MIPOL1: variants seen among roughly 807,000 people sequenced by gnomAD.
MIPOL1 encodes the protein mirror-image polydactyly gene 1 protein.
In MIPOL1, 57 loss-of-function variants were observed where a neutral mutation model predicts 60.9. The observed-to-expected ratio is 0.94, with a 90% CI of 0.76 to 1.17. MIPOL1 has a LOEUF of 1.17. Among genes scored for constraint, MIPOL1 ranks in the 50% most tolerant of loss-of-function variants. The pLI is 0.00. For missense variants in MIPOL1, 551 were observed against 511.6 expected (o/e 1.08, Z -0.74); for synonymous variants, 179 against 168.8 (o/e 1.06, Z -0.47).
At chr14:37,413,732 G>C (rs1438191798) in intron 10 of MIPOL1, among the ~76,000 whole-genome samples, 2 of 152,176 alleles carry the variant, frequency 1.3e-5, no homozygotes, top group Non-Finnish European at 2.9e-5. Context: ...TGAGACCACA[G>C]GTAGAATCAA....
intron 1 of MIPOL1, among the ~76,000 whole-genome samples, chr14:37,219,076 T>A (rs1968295719): frequency 6.6e-6 from 1 of 152,050 alleles, no homozygotes; most frequent in African/African-American, 2.4e-5. Context: ...CATAGGCAAA[T>A]GGGACTTTAC....
At chr14:37,244,104 CTTTTTTTTTTTTTTTT>C (rs143933758) in intron 1 of MIPOL1, among the ~76,000 whole-genome samples, 3 of 51,588 alleles carry the variant, frequency 5.8e-5, no homozygotes, top group Admixed American at 5.4e-4. Context: ...GACTCACTTC[CTTTTTTTTTTTTTTTT>C]TTTTTTTTTT....
At chr14:37,526,274 C>T (rs1423510738) in intron 12 of MIPOL1, among the ~76,000 whole-genome samples, 3 of 148,120 alleles carry the variant, frequency 2.0e-5, no homozygotes, top group Non-Finnish European at 4.5e-5. Context: ...GACTATTATT[C>T]CTGATAAGGA....
intron 12 of MIPOL1, chr14:37,503,334 G>A (rs572675249): frequency 6.6e-6 from 1 of 152,142 alleles, no homozygotes; most frequent in African/African-American, 2.4e-5. Flanking sequence ...AGGTTGAAAT[G>A]AAGGAAAAAA....
chr14:37,239,072 T>A (rs1023311377), intron 1 of MIPOL1, among the ~76,000 whole-genome samples: 2 of 144,722 alleles, frequency 1.4e-5, no homozygotes, highest in Admixed American at 1.4e-4. Context: ...TTTTTTGAGA[T>A]GGAGTCTGAC....
At chr14:37,436,364 A>C (rs2094163039) in intron 11 of MIPOL1, among the ~76,000 whole-genome samples, 1 of 152,186 alleles carries the variant, frequency 6.6e-6, no homozygotes, top group Non-Finnish European at 1.5e-5. Flanking sequence ...CAGTTTAATT[A>C]GGTTTATTTA....
intron 11 of MIPOL1, among the ~76,000 whole-genome samples, chr14:37,481,117 G>A (rs2094856742): frequency 6.6e-6 from 1 of 152,064 alleles, no homozygotes; most frequent in Admixed American, 6.6e-5. Context: ...CTCCAGCCTG[G>A]GTGGCAGACA....
chr14:37,243,499 A>C (rs1972672494), intron 1 of MIPOL1, among the ~76,000 whole-genome samples: 1 of 152,222 alleles, frequency 6.6e-6, no homozygotes. Context: ...AACATTTCTC[A>C]AGCTAGAAAA....
intron 3 of MIPOL1, among the ~76,000 whole-genome samples, chr14:37,259,119 T>C (rs1050405640): frequency 6.6e-6 from 1 of 152,148 alleles, no homozygotes; most frequent in East Asian, 1.9e-4. Flanking sequence ...ATGAATGAGT[T>C]ATGTGATATT....
chr14:37,528,749 A>G (rs1402442448), intron 12 of MIPOL1, among the ~76,000 whole-genome samples: 1 of 152,162 alleles, frequency 6.6e-6, no homozygotes, highest in Non-Finnish European at 1.5e-5. Flanking sequence ...GTACTTTTTA[A>G]ATATGCTTTT....
intron 10 of MIPOL1, among the ~76,000 whole-genome samples, chr14:37,383,877 G>A (rs2153513115): frequency 6.6e-6 from 1 of 151,756 alleles, no homozygotes; most frequent in Non-Finnish European, 1.5e-5. Flanking sequence ...TTTTGTTGCT[G>A]TTGCTGTTAA....
intron 3 of MIPOL1, among the ~76,000 whole-genome samples, chr14:37,248,863 C>T (rs777010768): frequency 3.3e-5 from 5 of 151,998 alleles, no homozygotes; most frequent in Admixed American, 6.6e-5. Context: ...CACAGGTATG[C>T]ACGTGTGGAG....
intron 11 of MIPOL1, among the ~76,000 whole-genome samples, chr14:37,489,575 C>T (rs1263862920): frequency 1.3e-5 from 2 of 152,164 alleles, no homozygotes; most frequent in Non-Finnish European, 2.9e-5. Context: ...TTCTCCCCAT[C>T]TTCATGGATT....
At chr14:37,425,156 T>C (rs2093939458) in intron 11 of MIPOL1, among the ~76,000 whole-genome samples, 1 of 152,172 alleles carries the variant, frequency 6.6e-6, no homozygotes, top group Admixed American at 6.5e-5. Flanking sequence ...TTATGGAACA[T>C]TCTCCAGTAA....
At chr14:37,254,455 C>A (rs1415797307) in intron 3 of MIPOL1, among the ~76,000 whole-genome samples, 1 of 151,596 alleles carries the variant, frequency 6.6e-6, no homozygotes, top group African/African-American at 2.4e-5. Context: ...TATGTTTTGG[C>A]AGTTTAAAAA....
intron 10 of MIPOL1, among the ~76,000 whole-genome samples, chr14:37,415,071 A>G (rs2093740754): frequency 6.6e-6 from 1 of 152,124 alleles, no homozygotes; most frequent in Non-Finnish European, 1.5e-5. Context: ...TTATTCCTTA[A>G]AAATAAATTA....
chr14:37,495,548 G>T (rs2095112268), intron 11 of MIPOL1, among the ~76,000 whole-genome samples: 2 of 148,898 alleles, frequency 1.3e-5, no homozygotes, highest in South Asian at 2.2e-4. Context: ...CATTTGGGTT[G>T]GTTCCAAGTC....
At chr14:37,363,007 G>A (rs8016309) in intron 9 of MIPOL1, among the ~76,000 whole-genome samples, 147,497 of 152,248 alleles carry the variant, frequency 0.97, 71,521 homozygotes, top group East Asian at 1. Flanking sequence ...TTAGTTGTTC[G>A]TCCAACCTTT....
intron 9 of MIPOL1, among the ~76,000 whole-genome samples, chr14:37,349,513 A>T (rs1316854958): frequency 6.6e-6 from 1 of 152,102 alleles, no homozygotes; most frequent in African/African-American, 2.4e-5. Flanking sequence ...CATTACTCAA[A>T]TATGCCAAAT....
Sources: gnomAD v4.1 joint callset for allele counts (sites outside exome capture counted in the v4.1 genomes callset) on GRCh38, gnomAD v4.1.1 for gene constraint, MANE v1.5 for transcripts, NCBI Gene and HGNC (gene_info 2026-07-23, HGNC 2026-07-21) for gene names.